The following KCNIP1 variants were observed in gnomAD, a reference collection of about 807,000 sequenced individuals.
KCNIP1 encodes the protein A-type potassium channel modulatory protein KCNIP1.
Under a neutral mutation model 33.0 loss-of-function variants are expected in KCNIP1, and 18 were observed. The ratio of observed to expected loss-of-function variants is 0.55; its 90% confidence interval spans 0.38 to 0.81. The LOEUF (loss-of-function observed/expected upper bound fraction) is 0.81. Among genes scored for constraint, KCNIP1 ranks in the 30% least tolerant of loss-of-function variants. The pLI, the probability that KCNIP1 is intolerant of heterozygous loss-of-function variation, is 0.00. For synonymous variants in KCNIP1, 93 were observed against 98.3 expected, an observed-to-expected ratio of 0.95 and a Z score of 0.32; for missense variants, 238 against 271.6, an observed-to-expected ratio of 0.88 and a Z score of 0.87.
At chr5:170,503,954 C>G, upstream of KCNIP1, 5 of 675,074 alleles carry the variant, frequency 7.4e-6, no homozygotes, top group Non-Finnish European at 9.1e-6. Context: ...GTGCAGCCCT[C>G]GCCCCCGCCC....
At chr5:170,491,868 G>A (rs7710817) in intron 1 of KCNIP1, among the ~76,000 whole-genome samples, 37,208 of 152,064 alleles carry the variant, frequency 0.24, 4,893 homozygotes, top group African/African-American at 0.34. Context: ...TCCGTGGGCC[G>A]TCTGTGAAAA....
chr5:170,688,482 T>C (rs1174124963), intron 1 of KCNIP1, among the ~76,000 whole-genome samples: 1 of 152,214 alleles, frequency 6.6e-6, no homozygotes, highest in Non-Finnish European at 1.5e-5. Flanking sequence ...AAGTCATATT[T>C]TTCTCCCATT....
chr5:170,478,576 T>C (rs1263063513), intron 1 of KCNIP1, among the ~76,000 whole-genome samples: 1 of 152,152 alleles, frequency 6.6e-6, no homozygotes, highest in Non-Finnish European at 1.5e-5. Context: ...ACTGCAAGAC[T>C]GTGCGACTCC....
chr5:170,505,159 C>G (rs1033540101), intron 1 of KCNIP1, among the ~76,000 whole-genome samples: 2 of 152,192 alleles, frequency 1.3e-5, no homozygotes, highest in Non-Finnish European at 2.9e-5. Context: ...ACTCCCAGGC[C>G]TCATGTCCTG....
intron 1 of KCNIP1, among the ~76,000 whole-genome samples, chr5:170,631,340 G>T (rs537719397): frequency 6.6e-6 from 1 of 152,166 alleles, no homozygotes; most frequent in African/African-American, 2.4e-5. Flanking sequence ...CATAGTAGGT[G>T]CTCAGGAAAG....
chr5:170,576,909 T>G (rs1003390475), intron 1 of KCNIP1, among the ~76,000 whole-genome samples: 2 of 152,220 alleles, frequency 1.3e-5, no homozygotes, highest in Non-Finnish European at 2.9e-5. Flanking sequence ...AGATCATTAT[T>G]CAAGCATTGC....
At chr5:170,716,136 T>G (rs978950779) in intron 1 of KCNIP1, among the ~76,000 whole-genome samples, 15 of 152,202 alleles carry the variant, frequency 9.9e-5, no homozygotes, top group Admixed American at 6.5e-5. Context: ...GCGTGGGCAC[T>G]CCTGTGAGGT....
chr5:170,444,867 C>T (rs562388688), intron 1 of KCNIP1, among the ~76,000 whole-genome samples: 1 of 152,172 alleles, frequency 6.6e-6, no homozygotes, highest in South Asian at 2.1e-4. Context: ...GGCCTGAGAG[C>T]AGAAATAAAA....
chr5:170,733,815 G>GCT (rs751551684), intron 6 of KCNIP1, 21 bp from the exon 7 acceptor site: 1 of 1,599,696 alleles, frequency 6.3e-7, no homozygotes. Flanking sequence ...TCTGTAAAGT[G>GCT]CTTTCTGTTA....
intron 6 of KCNIP1, among the ~76,000 whole-genome samples, chr5:170,733,121 T>C (rs1054467337): frequency 6.6e-6 from 1 of 152,188 alleles, no homozygotes; most frequent in African/African-American, 2.4e-5. Context: ...TAAACGCTAG[T>C]GGTATAGTAT....
At chr5:170,706,388 T>C (rs553721072) in intron 1 of KCNIP1, among the ~76,000 whole-genome samples, 98 of 152,232 alleles carry the variant, frequency 6.4e-4, no homozygotes, top group Non-Finnish European at 1.1e-3. Flanking sequence ...TTTCAACAAC[T>C]TCACACTAAC....
intron 1 of KCNIP1, among the ~76,000 whole-genome samples, chr5:170,589,702 T>G (rs1758133759): frequency 7.1e-6 from 1 of 140,740 alleles, no homozygotes; most frequent in African/African-American, 2.6e-5. Context: ...AAATTGTTTC[T>G]GTTTGGTTTG....
In KCNIP1 at chr5:170,613,119, C is replaced by T. The variant is rs572268980; in HGVS notation, c.62-105639C>T. On this transcript the variant is annotated intron_variant, in intron 1 of 7. Transcript: ENST00000328939. Reference sequence around the variant, plus strand: ...TCCCAATGCCCTTCCACCCTGTCTCCACCTGGCATATGCCTGTGTTTCCCT... The same window carrying T: ...TCCCAATGCCCTTCCACCCTGTCTCTACCTGGCATATGCCTGTGTTTCCCT... Among the ~76,000 whole-genome samples, 4 of 152,330 alleles carry T rather than the reference C, an allele frequency of 2.6e-5. No homozygotes were observed. In the East Asian group the frequency reaches 7.7e-4, roughly 29 times the overall value.
At chr5:170,476,843 C>T (rs555171760) in intron 1 of KCNIP1, among the ~76,000 whole-genome samples, 1 of 152,338 alleles carries the variant, frequency 6.6e-6, no homozygotes, top group South Asian at 2.1e-4. Context: ...ATTCTCACCA[C>T]ATCCTCGCAG....
rs1581563082 is a variant in KCNIP1 at position 170,735,631 on chromosome 5, T to A, written c.604-128T>A. On this transcript the variant is annotated intron_variant, in intron 7 of 7. Transcript: ENST00000328939. ...TTTCTAGGTCCCCACCCTTACTTCT[T>A]GTTTTTCATACCCTTGTAGAGTTTT... is the stretch of plus-strand genomic sequence containing the variant. 19 of 753,272 alleles carry A rather than the reference T, an allele frequency of 2.5e-5. No individual in the cohort carries two copies. In the East Asian group the frequency reaches 4.5e-4, roughly 18 times the overall value. The allele number at this position is 753,272 out of a possible 1,614,324, so 46.7% of individuals were successfully genotyped here.
chr5:170,526,574 C>A (rs1029778399), intron 1 of KCNIP1, among the ~76,000 whole-genome samples: 2 of 152,106 alleles, frequency 1.3e-5, no homozygotes, highest in Non-Finnish European at 2.9e-5. Flanking sequence ...CTTGGGGAGT[C>A]ACCAATACAA....
intron 1 of KCNIP1, among the ~76,000 whole-genome samples, chr5:170,655,949 T>C (rs1178100851): frequency 6.6e-6 from 1 of 152,210 alleles, no homozygotes; most frequent in Non-Finnish European, 1.5e-5. Context: ...TGGAAAGGCC[T>C]TGGGCCCCAA....
chr5:170,582,913 A>G (rs2113522957), intron 1 of KCNIP1, among the ~76,000 whole-genome samples: 1 of 152,360 alleles, frequency 6.6e-6, no homozygotes, highest in East Asian at 1.9e-4. Flanking sequence ...ACCCAAATTT[A>G]TCAAAGCACA....
Position 170,623,438 on chromosome 5 carries a change from C to T in KCNIP1, c.62-95320C>T, listed in dbSNP as rs565315507. Among the ~76,000 whole-genome samples, 368 of 152,086 alleles carry T rather than the reference C, an allele frequency of 2.4e-3. 1 individual carries two copies. Among genetic ancestry groups the T allele is most frequent in the Middle Eastern group, 6.8e-3 (2 of 294 alleles). On this transcript the variant is annotated intron_variant, in intron 1 of 7. Transcript: ENST00000328939. ...TGTTGGTCAGGCTGGTCTTGAACTC[C>T]CGACCTCAAGTGATCCGCCCACCTC...
Sources: allele counts gnomAD v4.1 joint callset (sites outside exome capture counted in the v4.1 genomes callset), GRCh38; gene constraint gnomAD v4.1.1; transcripts MANE v1.5; gene names NCBI Gene and HGNC (gene_info 2026-07-23, HGNC 2026-07-21).